Variants in CLYBL observed in about 807,000 individuals in gnomAD.
CLYBL encodes citramalyl-CoA lyase.
Under a neutral mutation model 38.9 loss-of-function variants are expected in CLYBL, and 31 were observed. The observed-to-expected ratio is 0.80, with a 90% confidence interval of 0.60 to 1.08. CLYBL has a LOEUF of 1.08. CLYBL is among the 50% of genes least tolerant of loss of function. The pLI is 0.00. For missense variants in CLYBL, 434 were observed against 411.6 expected, an observed-to-expected ratio of 1.05 and a Z score of -0.47; for synonymous variants, 171 against 158.6, an observed-to-expected ratio of 1.08 and a Z score of -0.59.
At chr13:99,606,847 C>G (rs914556780) in intron 1 of CLYBL, 90 bp downstream of exon 1, 1 of 1,292,456 alleles carries the variant, frequency 7.7e-7, no homozygotes. Flanking sequence ...CGCGGCCTCC[C>G]CAAGCCCTCA....
chr13:99,898,314 C>A (rs565898368), downstream of CLYBL, among the ~76,000 whole-genome samples: 3 of 152,276 alleles, frequency 2.0e-5, no homozygotes, highest in South Asian at 4.1e-4. Flanking sequence ...TAGAGAGTTT[C>A]TTCCAAAGAC....
rs1033278325 is a variant in CLYBL at position 99,615,787 on chromosome 13, A to G, written c.62+9030A>G. ...CTTCCTTTCTCACCCCATCCTCCCT[A>G]CCATAAACCAGGTTTAGAATAGCTG... On this transcript the variant is annotated intron_variant, in intron 1 of 8. Transcript: ENST00000339105. Among the ~76,000 whole-genome samples, 4 of 151,738 alleles carry G rather than the reference A, an allele frequency of 2.6e-5. No homozygotes were observed. The South Asian group carries it at 6.2e-4, about 24-fold the overall frequency.
At chr13:99,867,532 G>A (rs561921023) in intron 6 of CLYBL, among the ~76,000 whole-genome samples, 2 of 152,044 alleles carry the variant, frequency 1.3e-5, no homozygotes, top group African/African-American at 2.4e-5. Context: ...GTGTGATCTC[G>A]TATAGGGAAA....
At chr13:99,870,837 A>G in intron 6 of CLYBL, 101 bp from the exon 7 acceptor site, 3 of 1,194,440 alleles carry the variant, frequency 2.5e-6, no homozygotes, top group South Asian at 3.2e-5. Flanking sequence ...GTTATTTAAC[A>G]TACAGTCTAT....
intron 1 of CLYBL, among the ~76,000 whole-genome samples, chr13:99,692,300 G>T (rs28726082): frequency 0.083 from 10,493 of 126,048 alleles, 1,175 homozygotes; most frequent in African/African-American, 0.27. Context: ...TTTTTTTTTT[G>T]TTTGTTTTTT....
At chr13:99,708,153 G>A (rs968251643) in intron 1 of CLYBL, among the ~76,000 whole-genome samples, 7 of 152,118 alleles carry the variant, frequency 4.6e-5, no homozygotes, top group Non-Finnish European at 8.8e-5. Flanking sequence ...TAATTTTTTT[G>A]TATTTTTGGT....
chr13:99,676,494 C>T (rs1205255696), intron 1 of CLYBL, among the ~76,000 whole-genome samples: 5 of 151,742 alleles, frequency 3.3e-5, no homozygotes, highest in Admixed American at 6.6e-5. Context: ...GACAGGATTT[C>T]GCCATGTTGG....
At chr13:99,861,491 C>T (rs913144571) in intron 3 of CLYBL, among the ~76,000 whole-genome samples, 6 of 152,176 alleles carry the variant, frequency 3.9e-5, no homozygotes, top group Non-Finnish European at 8.8e-5. Flanking sequence ...TAATACTGTG[C>T]TACCACTTTC....
At chr13:99,610,228 C>T (rs750977681) in intron 1 of CLYBL, among the ~76,000 whole-genome samples, 4 of 152,174 alleles carry the variant, frequency 2.6e-5, no homozygotes, top group African/African-American at 4.8e-5. Context: ...GCATAGTTTC[C>T]TTTCGTTTTT....
At chr13:99,770,869 G>A (rs1428188101) in intron 1 of CLYBL, among the ~76,000 whole-genome samples, 1 of 151,724 alleles carries the variant, frequency 6.6e-6, no homozygotes, top group Non-Finnish European at 1.5e-5. Flanking sequence ...TTACAGGTGT[G>A]TGCCACCACA....
At chr13:99,730,162 C>G (rs780954266) in intron 1 of CLYBL, among the ~76,000 whole-genome samples, 31 of 152,206 alleles carry the variant, frequency 2.0e-4, no homozygotes, top group Non-Finnish European at 3.5e-4. Flanking sequence ...GTCACAGTGG[C>G]CATAGATCTC....
intron 1 of CLYBL, among the ~76,000 whole-genome samples, chr13:99,701,587 A>G (rs1235232606): frequency 6.6e-6 from 1 of 152,146 alleles, no homozygotes; most frequent in Non-Finnish European, 1.5e-5. Flanking sequence ...CTGGGATTAC[A>G]GGCGTGAGCC....
At chr13:99,738,828 G>A (rs570892201) in intron 1 of CLYBL, among the ~76,000 whole-genome samples, 2 of 152,232 alleles carry the variant, frequency 1.3e-5, no homozygotes, top group South Asian at 4.2e-4. Flanking sequence ...CTGGGAGGAG[G>A]GAGGGGGACA....
chr13:99,652,853 A>G (rs767211199), intron 1 of CLYBL, among the ~76,000 whole-genome samples: 1 of 152,218 alleles, frequency 6.6e-6, no homozygotes, highest in Non-Finnish European at 1.5e-5. Context: ...TCAAATCAAA[A>G]CAATGGATGC....
Position 99,606,694 on chromosome 13 carries a change from A to C in CLYBL, c.-2A>C. On this transcript the variant is annotated 5_prime_UTR_variant, in exon 1 of 9. Transcript: ENST00000339105. ...AAAGGGCGGGGCGCGCGCGTCGGGA[A>C]GATGGCGCTACGTCTGCTGCGGAGG... is the stretch of plus-strand genomic sequence containing the variant. The C allele has an allele frequency of 6.7e-7, 1 of 1,488,590 alleles. No individual in the cohort carries two copies. The highest frequency in any genetic ancestry group is 8.9e-7 in the Non-Finnish European group (1 of 1,125,562). 92.2% of individuals were successfully genotyped at this position (1,488,590 alleles called of 1,614,324 possible).
chr13:99,872,980 G>A (rs2051947192), intron 7 of CLYBL, among the ~76,000 whole-genome samples: 1 of 151,874 alleles, frequency 6.6e-6, no homozygotes, highest in Non-Finnish European at 1.5e-5. Context: ...CCTCTCGTTG[G>A]GGCATAAGCT....
At chr13:99,765,183 G>A (rs1216437899) in intron 1 of CLYBL, among the ~76,000 whole-genome samples, 1 of 151,796 alleles carries the variant, frequency 6.6e-6, no homozygotes, top group African/African-American at 2.4e-5. Context: ...GGATAACTTT[G>A]CTGAATACAA....
chr13:99,755,139 C>T (rs1266241551), intron 1 of CLYBL, among the ~76,000 whole-genome samples: 12 of 152,184 alleles, frequency 7.9e-5, no homozygotes, highest in Non-Finnish European at 1.2e-4. Context: ...CCTCGTGATC[C>T]GCCCGCCTCG....
intron 7 of CLYBL, chr13:99,877,594 T>TTTTTTATTTA: frequency 3.1e-6 from 1 of 322,870 alleles, no homozygotes; most frequent in Non-Finnish European, 5.7e-6. Context: ...TTTTTTTTTT[T>TTTTTTATTTA]AAGACAGTGT....
Sources: allele counts gnomAD v4.1 joint callset (sites outside exome capture counted in the v4.1 genomes callset), GRCh38; gene constraint gnomAD v4.1.1; transcripts MANE v1.5; gene names NCBI Gene and HGNC (gene_info 2026-07-23, HGNC 2026-07-21).